SCMH1: variants seen among roughly 807,000 people sequenced by gnomAD.
SCMH1 encodes Scm polycomb group protein homolog 1.
SCMH1 carries 37 observed loss-of-function variants against 70.8 expected under a neutral mutation model. The observed-to-expected ratio is 0.52, with a 90% confidence interval of 0.40 to 0.69. The LOEUF is 0.69. Ranked by LOEUF, SCMH1 falls within the 30% of genes least tolerant of loss-of-function variation. The pLI is 0.00. For missense variants in SCMH1, 607 were observed against 827.3 expected (o/e 0.73, Z 3.27); for synonymous variants, 292 against 307.4 (o/e 0.95, Z 0.52).
At chr1:41,091,691 A>C (rs1663566702) in intron 8 of SCMH1, among the ~76,000 whole-genome samples, 1 of 152,228 alleles carries the variant, frequency 6.6e-6, no homozygotes, top group African/African-American at 2.4e-5. Context: ...GCAAAGTCTC[A>C]GGATACAAAA....
intron 6 of SCMH1, among the ~76,000 whole-genome samples, chr1:41,125,256 C>T (rs879363049): frequency 1.5e-4 from 23 of 151,860 alleles, no homozygotes; most frequent in African/African-American, 4.8e-4. Context: ...TGCTTTGTCC[C>T]CCAGGCTGAA....
At chr1:41,219,312 C>T (rs1658743793) in intron 1 of SCMH1, among the ~76,000 whole-genome samples, 1 of 152,184 alleles carries the variant, frequency 6.6e-6, no homozygotes, top group African/African-American at 2.4e-5. Context: ...AAGAACAGCA[C>T]TTTCCTAAGT....
intron 6 of SCMH1, among the ~76,000 whole-genome samples, chr1:41,140,952 TGAA>T (rs1375467517): frequency 1.3e-5 from 2 of 152,214 alleles, no homozygotes; most frequent in Non-Finnish European, 2.9e-5. Context: ...CAAATATGTA[TGAA>T]GTTTTGAGCT....
chr1:41,241,143 T>C (rs1399868904), intron 1 of SCMH1, among the ~76,000 whole-genome samples: 1 of 152,248 alleles, frequency 6.6e-6, no homozygotes, highest in Non-Finnish European at 1.5e-5. Context: ...TTCGGATCAC[T>C]GGAAGAGGTT....
At chr1:41,200,450 A>G (rs1262181859) in intron 1 of SCMH1, among the ~76,000 whole-genome samples, 3 of 151,618 alleles carry the variant, frequency 2.0e-5, no homozygotes, top group Non-Finnish European at 2.9e-5. Flanking sequence ...ACTGCACTCC[A>G]GCCTGAGCGA....
At chr1:41,207,474 T>C (rs973289979) in intron 1 of SCMH1, among the ~76,000 whole-genome samples, 1 of 152,162 alleles carries the variant, frequency 6.6e-6, no homozygotes, top group East Asian at 1.9e-4. Flanking sequence ...AGGGATCAAT[T>C]CAACAAGAAG....
intron 11 of SCMH1, among the ~76,000 whole-genome samples, chr1:41,048,158 G>GA (rs1414595462): frequency 1.3e-5 from 2 of 152,100 alleles, no homozygotes; most frequent in South Asian, 2.1e-4. Context: ...GGACACAGGA[G>GA]AAAAAATGAG....
intron 6 of SCMH1, among the ~76,000 whole-genome samples, chr1:41,127,955 G>GTAA (rs1673646264): frequency 6.6e-6 from 1 of 152,076 alleles, no homozygotes; most frequent in Non-Finnish European, 1.5e-5. Context: ...AAATCCTGTT[G>GTAA]TTTAAACCAG....
At chr1:41,118,857 G>C (rs1278255860) in intron 6 of SCMH1, among the ~76,000 whole-genome samples, 2 of 152,258 alleles carry the variant, frequency 1.3e-5, no homozygotes, top group African/African-American at 4.8e-5. Context: ...CCAAACAAAA[G>C]AACAGATAAG....
At chr1:41,184,338 C>A (rs1649608176) in intron 2 of SCMH1, among the ~76,000 whole-genome samples, 1 of 152,064 alleles carries the variant, frequency 6.6e-6, no homozygotes, top group Non-Finnish European at 1.5e-5. Context: ...CTATGCCATA[C>A]AGGCAAAGAA....
intron 1 of SCMH1, among the ~76,000 whole-genome samples, chr1:41,224,344 A>T (rs1465791967): frequency 6.6e-5 from 10 of 152,206 alleles, no homozygotes; most frequent in Non-Finnish European, 1.3e-4. Flanking sequence ...TATCTAACAC[A>T]TGGTGAGTGC....
chr1:41,065,647 A>G (rs1176817632), intron 10 of SCMH1, among the ~76,000 whole-genome samples: 1 of 152,232 alleles, frequency 6.6e-6, no homozygotes, highest in Non-Finnish European at 1.5e-5. Flanking sequence ...TAGAGAGCCC[A>G]GAAATAAACC....
At chr1:41,210,914 A>G (rs1325382697) in intron 1 of SCMH1, among the ~76,000 whole-genome samples, 1 of 151,614 alleles carries the variant, frequency 6.6e-6, no homozygotes, top group Admixed American at 6.6e-5. Context: ...GGCTCAAGCG[A>G]TTCTCCTGCC....
chr1:41,125,993 C>T (rs1164302347), intron 6 of SCMH1, among the ~76,000 whole-genome samples: 1 of 152,242 alleles, frequency 6.6e-6, no homozygotes, highest in South Asian at 2.1e-4. Flanking sequence ...TCATATGTTA[C>T]ATATATGTAT....
chr1:41,205,691 T>A (rs1655377531), intron 1 of SCMH1, among the ~76,000 whole-genome samples: 2 of 152,192 alleles, frequency 1.3e-5, no homozygotes, highest in South Asian at 4.1e-4. Context: ...AGCAGACAAC[T>A]TCTGCAGATT....
At chr1:41,075,684 T>C (rs139502180) in intron 8 of SCMH1, among the ~76,000 whole-genome samples, 42 of 152,326 alleles carry the variant, frequency 2.8e-4, no homozygotes, top group African/African-American at 9.9e-4. Flanking sequence ...TAAATTTTTC[T>C]TCCTAAGGCA....
chr1:41,086,142 C>G (rs767507189), intron 8 of SCMH1, among the ~76,000 whole-genome samples: 4 of 152,096 alleles, frequency 2.6e-5, no homozygotes, highest in Non-Finnish European at 5.9e-5. Flanking sequence ...CCCAGCCTTT[C>G]TTTTTAAAAT....
At chr1:41,028,802 T>C in intron 13 of SCMH1, 76 bp from the exon 15 acceptor site, 1 of 1,514,134 alleles carries the variant, frequency 6.6e-7, no homozygotes, top group African/African-American at 1.4e-5. Context: ...TTGGCACATC[T>C]CAGTGGCCTT....
chr1:41,101,365 A>G (rs534549279), intron 8 of SCMH1, among the ~76,000 whole-genome samples: 12 of 152,232 alleles, frequency 7.9e-5, no homozygotes, highest in East Asian at 1.9e-4. Context: ...GTTGAATTTG[A>G]TTTCCTCTAG....
Sources: allele counts gnomAD v4.1 joint callset (sites outside exome capture counted in the v4.1 genomes callset), GRCh38; gene constraint gnomAD v4.1.1; transcripts MANE v1.5; gene names NCBI Gene and HGNC (gene_info 2026-07-23, HGNC 2026-07-21).